Variants in ANKS1B observed in about 807,000 individuals in gnomAD.
ANKS1B encodes the protein ankyrin repeat and sterile alpha motif domain-containing protein 1B.
A neutral mutation model predicts 148.3 loss-of-function variants in ANKS1B; 36 were observed. That is an observed-to-expected ratio of 0.24 (90% CI 0.19 to 0.32). The LOEUF (loss-of-function observed/expected upper bound fraction) is 0.32, where lower values mean the gene tolerates loss of function less well. Ranked by LOEUF, ANKS1B falls within the 10% of genes least tolerant of loss-of-function variation. The probability of loss-of-function intolerance (pLI) is 1.00; values close to 1 mark genes in which losing one functional copy is unlikely to be tolerated. For missense variants in ANKS1B, 1,157 were observed against 1,542.6 expected, an observed-to-expected ratio of 0.75 and a Z score of 4.19; for synonymous variants, 542 against 560.8, an observed-to-expected ratio of 0.97 and a Z score of 0.47.
At chr12:99,789,065 T>C (rs964018931) in intron 4 of ANKS1B, among the ~76,000 whole-genome samples, 1 of 152,102 alleles carries the variant, frequency 6.6e-6, no homozygotes, top group African/African-American at 2.4e-5. Flanking sequence ...TAGGATACAG[T>C]GCTGAGCTGG....
intron 17 of ANKS1B, among the ~76,000 whole-genome samples, chr12:98,869,103 T>C (rs1227765541): frequency 2.0e-5 from 3 of 152,132 alleles, no homozygotes; most frequent in Non-Finnish European, 2.9e-5. Flanking sequence ...TTTGGCCAAG[T>C]AGCCCTTGCA....
intron 1 of ANKS1B, among the ~76,000 whole-genome samples, chr12:99,905,644 G>C (rs192224032): frequency 1.2e-4 from 18 of 152,336 alleles, no homozygotes; most frequent in Admixed American, 9.1e-4. Context: ...AGAAGTCTGA[G>C]ATCAAAGCAT....
At chr12:99,398,187 T>C (rs879251773) in intron 12 of ANKS1B, among the ~76,000 whole-genome samples, 8 of 152,174 alleles carry the variant, frequency 5.3e-5, no homozygotes, top group Admixed American at 3.9e-4. Flanking sequence ...CCATGAAAGT[T>C]TGGATTATAA....
At chr12:99,214,591 G>A (rs138172282) in intron 14 of ANKS1B, among the ~76,000 whole-genome samples, 63 of 152,254 alleles carry the variant, frequency 4.1e-4, no homozygotes, top group African/African-American at 1.2e-3. Context: ...CTCCTGTGGC[G>A]TGTGGAACTG....
At chr12:99,552,136 T>A (rs1226618447) in intron 9 of ANKS1B, among the ~76,000 whole-genome samples, 1 of 152,128 alleles carries the variant, frequency 6.6e-6, no homozygotes, top group East Asian at 1.9e-4. Flanking sequence ...GTTTTTTTTA[T>A]CTTTCCTTGT....
chr12:99,974,033 G>A (rs2095595153), intron 1 of ANKS1B, among the ~76,000 whole-genome samples: 1 of 152,102 alleles, frequency 6.6e-6, no homozygotes, highest in East Asian at 1.9e-4. Flanking sequence ...TTTTGTGAAA[G>A]GAACAGTCAA....
At chr12:99,524,724 C>A (rs779488775) in intron 9 of ANKS1B, among the ~76,000 whole-genome samples, 3 of 152,198 alleles carry the variant, frequency 2.0e-5, no homozygotes, top group African/African-American at 4.8e-5. Context: ...GGACGTCTTA[C>A]ATGGCAGCAG....
chr12:99,704,346 G>A (rs1284017087), intron 8 of ANKS1B, among the ~76,000 whole-genome samples: 1 of 151,922 alleles, frequency 6.6e-6, no homozygotes, highest in Non-Finnish European at 1.5e-5. Context: ...TGTGGAACAA[G>A]CATACTATTT....
At chr12:99,743,191 T>C (rs2060281439) in intron 8 of ANKS1B, among the ~76,000 whole-genome samples, 2 of 152,192 alleles carry the variant, frequency 1.3e-5, no homozygotes, top group Non-Finnish European at 2.9e-5. Flanking sequence ...CAAAATGAAC[T>C]TCTATTATTG....
At chr12:99,494,388 CTGTTAGTTGTTCTTGT>C (rs1204129579) in intron 10 of ANKS1B, among the ~76,000 whole-genome samples, 3 of 152,070 alleles carry the variant, frequency 2.0e-5, no homozygotes, top group Admixed American at 1.3e-4. Flanking sequence ...GTTGTTTTTG[CTGTTAGTTGTTCTTGT>C]GGTTTGCTAC....
intron 17 of ANKS1B, among the ~76,000 whole-genome samples, chr12:98,835,702 C>T (rs561266209): frequency 6.6e-6 from 1 of 152,120 alleles, no homozygotes; most frequent in South Asian, 2.1e-4. Flanking sequence ...TAGAGCTACC[C>T]AGATGAGGGT....
chr12:99,325,766 G>T (rs558652143), intron 12 of ANKS1B, among the ~76,000 whole-genome samples: 1 of 152,202 alleles, frequency 6.6e-6, no homozygotes, highest in Admixed American at 6.5e-5. Context: ...CGATCCTAAA[G>T]ACAAAGCATA....
Position 99,145,104 on chromosome 12 carries a change from T to C in ANKS1B, c.2526+9185A>G, listed in dbSNP as rs1243310797. ...AAAAGAAGCAGATACTTCAGTCCCA[T>C]GTAATAAACCTGCTCCAAGAGAAGT... On this transcript the variant is annotated intron_variant, in intron 15 of 26. Transcript: ENST00000683438. 2.6e-5 allele frequency among the ~76,000 whole-genome samples: 4 copies of C among 152,070 alleles called. No homozygotes were observed. The East Asian group carries it at 7.8e-4, about 29-fold the overall frequency.
intron 12 of ANKS1B, among the ~76,000 whole-genome samples, chr12:99,379,441 T>C (rs1343428411): frequency 6.6e-6 from 1 of 152,198 alleles, no homozygotes; most frequent in East Asian, 1.9e-4. Flanking sequence ...CCTAGGGTTG[T>C]TGTGAGAATT....
Position 98,767,161 on chromosome 12 carries a change from CA to C in ANKS1B, c.3579+5880del, listed in dbSNP as rs558113126. ...TTAAACTGATGAGAAAACCAACAAG[CA>C]AACTCATAGCAGAGCCAAAGTTGGA... On this transcript the variant is annotated intron_variant, in intron 25 of 26. Transcript: ENST00000683438. Among the ~76,000 whole-genome samples the C allele has an allele frequency of 1.4e-3, 213 of 152,188 alleles. 1 individual carries two copies. The highest frequency in any genetic ancestry group is 4.9e-3 in the African/African-American group (205 of 41,520).
downstream of ANKS1B, among the ~76,000 whole-genome samples, chr12:98,739,168 T>C (rs995926098): frequency 6.6e-6 from 1 of 152,178 alleles, no homozygotes; most frequent in African/African-American, 2.4e-5. Context: ...TGGGTGACAC[T>C]CCCTGTACCT....
At chr12:99,867,646 C>G (rs1427353497) in intron 1 of ANKS1B, among the ~76,000 whole-genome samples, 1 of 152,094 alleles carries the variant, frequency 6.6e-6, no homozygotes, top group African/African-American at 2.4e-5. Context: ...TGATTAAATT[C>G]TCTCCCACCG....
intron 17 of ANKS1B, among the ~76,000 whole-genome samples, chr12:98,834,951 CA>C (rs1158810365): frequency 1.3e-5 from 2 of 152,034 alleles, no homozygotes; most frequent in Non-Finnish European, 2.9e-5. Context: ...ATTCCTTTGC[CA>C]AAGGCTTCTA....
At position 99,389,738 on chromosome 12, in the gene ANKS1B, C is replaced by T. The variant is rs376668283; in HGVS notation, c.1756+9893G>A. Among the ~76,000 whole-genome samples, 114 of 152,092 alleles carry T rather than the reference C, an allele frequency of 7.5e-4. 2 individuals are homozygous for T. The South Asian group carries it at 0.022, about 30-fold the overall frequency. On this transcript the variant is annotated intron_variant, in intron 12 of 26. Coordinates refer to ENST00000683438, the MANE Select transcript of ANKS1B (RefSeq NM_001352186.2). Reference sequence around the variant, plus strand: ...AGGTAACAAATCTGTTATATTTTCACGTGCATTAATAGAAGTTAAAGCAAG... The same window carrying T: ...AGGTAACAAATCTGTTATATTTTCATGTGCATTAATAGAAGTTAAAGCAAG...
Sources: gnomAD v4.1 joint callset for allele counts (sites outside exome capture counted in the v4.1 genomes callset) on GRCh38, gnomAD v4.1.1 for gene constraint, MANE v1.5 for transcripts, NCBI Gene and HGNC (gene_info 2026-07-23, HGNC 2026-07-21) for gene names.